SUMF1: variants seen among roughly 807,000 people sequenced by gnomAD.
SUMF1 encodes formylglycine-generating enzyme.
Under a neutral mutation model 47.6 loss-of-function variants are expected in SUMF1, and 48 were observed. That is an observed-to-expected ratio of 1.01 (90% confidence interval 0.80 to 1.28). SUMF1 has a LOEUF of 1.28. Ranked by LOEUF, SUMF1 falls within the 50% of genes most tolerant of loss-of-function variation. SUMF1 has a pLI of 0.00. For synonymous variants in SUMF1, 230 were observed against 192.1 expected (o/e 1.20, Z -1.63); for missense variants, 571 against 485.4 (o/e 1.18, Z -1.66).
intron 8 of SUMF1, among the ~76,000 whole-genome samples, chr3:4,188,152 A>C (rs1315429440): frequency 2.7e-5 from 4 of 150,678 alleles, no homozygotes; most frequent in Non-Finnish European, 4.4e-5. Context: ...ATAATCTCCC[A>C]AAGTCCATAG....
intron 9 of SUMF1, among the ~76,000 whole-genome samples, chr3:4,034,850 C>T (rs1694763186): frequency 6.6e-6 from 1 of 151,808 alleles, no homozygotes; most frequent in Non-Finnish European, 1.5e-5. Flanking sequence ...CAGGGCTCTC[C>T]CTCCAGGATT....
chr3:4,161,571 A>G (rs1226813971), intron 8 of SUMF1, among the ~76,000 whole-genome samples: 1 of 151,876 alleles, frequency 6.6e-6, no homozygotes, highest in East Asian at 1.9e-4. Flanking sequence ...CTCTCTCCAT[A>G]GCTGTCACCA....
At chr3:4,446,538 A>G (rs1249877861) in intron 3 of SUMF1, among the ~76,000 whole-genome samples, 2 of 152,190 alleles carry the variant, frequency 1.3e-5, no homozygotes, top group Non-Finnish European at 2.9e-5. Context: ...ATAGCCCCCA[A>G]TGGATTAATG....
chr3:4,119,377 T>C (rs1043858995), intron 8 of SUMF1, among the ~76,000 whole-genome samples: 2 of 152,106 alleles, frequency 1.3e-5, no homozygotes, highest in East Asian at 1.9e-4. Flanking sequence ...TTGGAGGCCT[T>C]TGCAGTTTGA....
Position 4,361,885 on chromosome 3 carries a change from C to G in SUMF1, c.*259G>C, listed in dbSNP as rs1011561280. 2.2e-6 allele frequency: 1 copy of G among 461,502 alleles called. No individual in the cohort carries two copies. The highest frequency in any genetic ancestry group is 2.0e-5 in the African/African-American group (1 of 50,460). 28.6% of individuals were successfully genotyped at this position (461,502 alleles called of 1,614,324 possible). ...CTCCTGAAGCCTAGCTCAGGGTTCC[C>G]TCCACTCCCCTTCCTCTTTAAAGAC... On this transcript the variant is annotated 3_prime_UTR_variant, in exon 9 of 9. Transcript: ENST00000272902.
At chr3:4,339,422 A>C (rs570103442) in intron 8 of SUMF1, among the ~76,000 whole-genome samples, 40 of 152,194 alleles carry the variant, frequency 2.6e-4, no homozygotes, top group Non-Finnish European at 4.7e-4. Flanking sequence ...GGCTGGGCAA[A>C]GGAGGAGTTG....
At chr3:4,123,219 A>G (rs1157299117) in intron 8 of SUMF1, among the ~76,000 whole-genome samples, 3 of 152,070 alleles carry the variant, frequency 2.0e-5, no homozygotes, top group Non-Finnish European at 2.9e-5. Flanking sequence ...TGAAGGAGTA[A>G]TATGTTAGTT....
intron 8 of SUMF1, among the ~76,000 whole-genome samples, chr3:4,366,461 T>C (rs1230608387): frequency 1.3e-5 from 2 of 151,756 alleles, no homozygotes; most frequent in East Asian, 3.9e-4. Context: ...TTCATTTCAT[T>C]CATTTCATCT....
chr3:4,322,952 AT>A (rs1698867592), intron 8 of SUMF1, among the ~76,000 whole-genome samples: 1 of 152,228 alleles, frequency 6.6e-6, no homozygotes, highest in African/African-American at 2.4e-5. Context: ...ATATAGCATT[AT>A]TCATAACAAC....
chr3:4,448,667 T>C (rs894169167), intron 3 of SUMF1, among the ~76,000 whole-genome samples: 5 of 152,332 alleles, frequency 3.3e-5, no homozygotes, highest in South Asian at 2.1e-4. Flanking sequence ...ACAAAGCTGC[T>C]TGTGAAAATC....
intron 8 of SUMF1, among the ~76,000 whole-genome samples, chr3:4,366,249 T>C (rs190865798): frequency 0.024 from 3,600 of 152,202 alleles, 62 homozygotes; most frequent in Middle Eastern, 0.044. Context: ...ATTTCCTGAA[T>C]CTGAATGTTG....
At chr3:4,199,028 G>A (rs764289646) in intron 8 of SUMF1, among the ~76,000 whole-genome samples, 1 of 151,472 alleles carries the variant, frequency 6.6e-6, no homozygotes, top group Admixed American at 6.6e-5. Flanking sequence ...CATAAAATTC[G>A]ACCACTTGAA....
chr3:4,115,833 T>TA (rs1351800847), intron 8 of SUMF1, among the ~76,000 whole-genome samples: 4 of 152,086 alleles, frequency 2.6e-5, no homozygotes, highest in African/African-American at 7.2e-5. Flanking sequence ...TAAAAAAACA[T>TA]AAAAAATCTA....
chr3:4,445,816 A>G (rs1339295646), intron 3 of SUMF1, among the ~76,000 whole-genome samples: 4 of 152,210 alleles, frequency 2.6e-5, no homozygotes, highest in Admixed American at 2.6e-4. Flanking sequence ...TGAATGCTCA[A>G]TTTTCCAGCT....
chr3:4,040,103 T>C (rs1694883001), intron 9 of SUMF1, among the ~76,000 whole-genome samples: 2 of 152,130 alleles, frequency 1.3e-5, no homozygotes, highest in South Asian at 4.1e-4. Flanking sequence ...GAGAGATAAC[T>C]ATGTAAGGTG....
At chr3:4,316,618 C>T in intron 8 of SUMF1, 2 of 1,551,226 alleles carry the variant, frequency 1.3e-6, no homozygotes, top group Non-Finnish European at 1.7e-6. Flanking sequence ...TTTGAAGTGT[C>T]ATCTTCTCTT....
chr3:4,230,011 AC>A (rs1696263716), intron 8 of SUMF1, among the ~76,000 whole-genome samples: 1 of 151,934 alleles, frequency 6.6e-6, no homozygotes, highest in Non-Finnish European at 1.5e-5. Context: ...AGACCTTGTC[AC>A]CAAAAAAAAA....
At chr3:4,073,564 C>T (rs922159514) in intron 8 of SUMF1, among the ~76,000 whole-genome samples, 3 of 152,124 alleles carry the variant, frequency 2.0e-5, no homozygotes, top group African/African-American at 7.2e-5. Context: ...AGTCAAGACC[C>T]ATTGGTGTGC....
intron 8 of SUMF1, among the ~76,000 whole-genome samples, chr3:4,149,772 G>A (rs1694276773): frequency 6.6e-6 from 1 of 152,120 alleles, no homozygotes; most frequent in Non-Finnish European, 1.5e-5. Context: ...CTTGCTCCCT[G>A]GCCTGTGGAC....
Sources: allele counts gnomAD v4.1 joint callset (sites outside exome capture counted in the v4.1 genomes callset), GRCh38; gene constraint gnomAD v4.1.1; transcripts MANE v1.5; gene names NCBI Gene and HGNC (gene_info 2026-07-23, HGNC 2026-07-21).